DISP1: variants seen among roughly 807,000 people sequenced by gnomAD.
The protein encoded by DISP1 is protein dispatched homolog 1.
A neutral mutation model predicts 37.3 loss-of-function variants in DISP1; 30 were observed. The observed-to-expected ratio is 0.80, with a 90% CI of 0.60 to 1.09. DISP1 has a LOEUF of 1.09. DISP1 is among the 50% of genes least tolerant of loss of function. The pLI, the probability that DISP1 is intolerant of heterozygous loss-of-function variation, is 0.00. For missense variants in DISP1, 1,598 were observed against 1,879.5 expected (o/e 0.85, Z 2.77); for synonymous variants, 634 against 690.2 (o/e 0.92, Z 1.28).
intron 2 of DISP1, among the ~76,000 whole-genome samples, chr1:222,936,773 TA>T (rs1673810129): frequency 2.4e-5 from 2 of 85,066 alleles, no homozygotes; most frequent in African/African-American, 9.4e-5. Flanking sequence ...AAAAATTATA[TA>T]TATCATATAT....
chr1:222,866,215 T>C (rs891338400), intron 1 of DISP1, among the ~76,000 whole-genome samples: 8 of 152,190 alleles, frequency 5.3e-5, no homozygotes, highest in Non-Finnish European at 1.0e-4. Context: ...TCACTCCCTT[T>C]ATCCTCACCC....
chr1:222,901,576 G>T (rs1167629229), intron 1 of DISP1, among the ~76,000 whole-genome samples: 2 of 152,072 alleles, frequency 1.3e-5, no homozygotes, highest in African/African-American at 2.4e-5. Flanking sequence ...CACCTGGGCT[G>T]GAGTGCAGTG....
chr1:222,924,304 T>C (rs1336655825), intron 1 of DISP1, among the ~76,000 whole-genome samples: 6 of 152,184 alleles, frequency 3.9e-5, no homozygotes, highest in African/African-American at 1.4e-4. Flanking sequence ...ATTTATCTTA[T>C]CTATTTGCAG....
At chr1:222,872,145 C>T (rs930209399) in intron 1 of DISP1, 3 of 152,182 alleles carry the variant, frequency 2.0e-5, no homozygotes, top group African/African-American at 2.4e-5. Flanking sequence ...CCCACTTGAT[C>T]GTGGTGGATA....
At chr1:222,936,813 T>TATATAA (rs1673839925) in intron 2 of DISP1, among the ~76,000 whole-genome samples, 1 of 48,214 alleles carries the variant, frequency 2.1e-5, no homozygotes, top group African/African-American at 8.2e-5. Context: ...TATATATAAA[T>TATATAA]TATATATAAT....
At chr1:222,849,618 T>C (rs1255525424) in intron 1 of DISP1, among the ~76,000 whole-genome samples, 1 of 152,180 alleles carries the variant, frequency 6.6e-6, no homozygotes, top group Non-Finnish European at 1.5e-5. Context: ...GCTGTGAAAT[T>C]TGAAGCACCT....
At chr1:222,937,112 C>T (rs992479674) in intron 2 of DISP1, among the ~76,000 whole-genome samples, 7 of 139,184 alleles carry the variant, frequency 5.0e-5, no homozygotes, top group Non-Finnish European at 1.1e-4. Context: ...TATTTTGAGA[C>T]GGAGTCTTGC....
In DISP1 at chr1:223,002,644, G is replaced by A. The variant is rs749629171; in HGVS notation, c.1247G>A (p.Arg416His). The change falls in exon 9 of 9, where the codon CGC becomes CAC. Residue 416 changes from arginine to histidine, a missense_variant. Transcript: ENST00000675850. The stretch of plus-strand genomic sequence containing the variant: ...CAGCTCAAGTGCACCAATGTGCCAC[G>A]CAAATGTACCAAGTACAATGCTGTG... ...KDQLKCTNVP[R>H]KCTKYNAVYQ... The A allele has an allele frequency of 9.3e-6, 15 of 1,614,004 alleles. No individual in the cohort carries two copies. The highest frequency in any genetic ancestry group is 6.7e-5 in the Admixed American group (4 of 60,002).
Position 223,002,836 on chromosome 1 carries a change from G to A in DISP1, c.1439G>A (p.Gly480Asp), listed in dbSNP as rs977342304. ...TTTGAAAACTGGAACTCTTCTGACG[G>A]CGTGACTACCATCACCGGGATTGAG... Reference protein sequence around the residue: ...DNFENWNSSDGVTTITGIEFG... With the variant: ...DNFENWNSSDDVTTITGIEFG... Residue 480 changes from glycine to aspartate, a missense_variant, in exon 9 of 9, where the codon GGC becomes GAC. Coordinates refer to ENST00000675850, the MANE Select transcript of DISP1 (RefSeq NM_001377229.1). The A allele has an allele frequency of 6.2e-7, 1 of 1,613,820 alleles. No homozygotes were observed. Among genetic ancestry groups the A allele is most frequent in the Non-Finnish European group, 8.5e-7 (1 of 1,180,034 alleles).
At chr1:222,944,084 G>T (rs1304295191) in intron 3 of DISP1, among the ~76,000 whole-genome samples, 1 of 152,128 alleles carries the variant, frequency 6.6e-6, no homozygotes, top group Non-Finnish European at 1.5e-5. Flanking sequence ...TCCTCATGCT[G>T]CCTTATGGCT....
At position 222,885,268 on chromosome 1, in the gene DISP1, T is replaced by G. The variant is rs1670525186; in HGVS notation, c.-158-43162T>G. Among the ~76,000 whole-genome samples the G allele has an allele frequency of 2.0e-5, 3 of 152,220 alleles. No individual in the cohort carries two copies. In the South Asian group the frequency reaches 6.2e-4, roughly 32 times the overall value. ...AATATTTATTTTATTCCATGGCTTA[T>G]AATCCAATACTGTTATTAATTTATA... On this transcript the variant is annotated intron_variant, in intron 1 of 8. Transcript: ENST00000675850.
At chr1:222,968,108 C>A (rs1384436846) in intron 3 of DISP1, among the ~76,000 whole-genome samples, 1 of 152,036 alleles carries the variant, frequency 6.6e-6, no homozygotes, top group Non-Finnish European at 1.5e-5. Context: ...AATGGATACA[C>A]TAGGAAAAAT....
intron 3 of DISP1, among the ~76,000 whole-genome samples, chr1:222,960,392 G>T (rs1288128463): frequency 6.6e-6 from 1 of 152,104 alleles, no homozygotes; most frequent in Non-Finnish European, 1.5e-5. Context: ...ATGAAATTAA[G>T]GCAGAAATCA....
Position 222,942,802 on chromosome 1 carries a change from CT to C in DISP1, c.-17-3del. The C allele has an allele frequency of 6.2e-7, 1 of 1,614,042 alleles. No individual in the cohort carries two copies. The highest frequency in any genetic ancestry group is 8.5e-7 in the Non-Finnish European group (1 of 1,179,994). On this transcript the variant is annotated splice_polypyrimidine_tract_variant and splice_region_variant and intron_variant, in intron 2 of 8. Transcript: ENST00000675850. ...ACTGGGCGATTTTATGATTTTCTTA[CT>C]TAGAGTCAAGAAATTGGAGCATGGC...
chr1:222,881,597 C>T lies in DISP1; in HGVS notation c.-158-46833C>T, dbSNP rs574420292. ...GATGGGGTGTTTTTGTTTTTTCCTCCTTCAGTTCTCTTTACATTGTGAGGT... is the reference window on the plus strand; with the variant it reads ...GATGGGGTGTTTTTGTTTTTTCCTCTTTCAGTTCTCTTTACATTGTGAGGT... On this transcript the variant is annotated intron_variant, in intron 1 of 8. Transcript: ENST00000675850. Among the ~76,000 whole-genome samples, 6 of 152,244 alleles carry T rather than the reference C, an allele frequency of 3.9e-5. No homozygotes were observed. In the East Asian group the frequency reaches 5.8e-4, roughly 15 times the overall value.
intron 3 of DISP1, among the ~76,000 whole-genome samples, chr1:222,980,475 AAT>A (rs1479720004): frequency 6.6e-6 from 1 of 151,506 alleles, no homozygotes; most frequent in Non-Finnish European, 1.5e-5. Flanking sequence ...TACCTATATT[AAT>A]ATTTATGTCC....
At chr1:222,984,420 A>AT (rs72496847) in intron 4 of DISP1, among the ~76,000 whole-genome samples, 3,550 of 59,064 alleles carry the variant, frequency 0.06, 181 homozygotes, top group South Asian at 0.18. Context: ...AAAAAAAAAA[A>AT]AATATATATA....
At chr1:222,971,488 C>A (rs1026283092) in intron 3 of DISP1, among the ~76,000 whole-genome samples, 25 of 151,308 alleles carry the variant, frequency 1.7e-4, no homozygotes, top group Admixed American at 7.9e-4. Flanking sequence ...TCTGTAGGGA[C>A]AAAATGATCC....
chr1:222,877,806 G>A (rs974062214), intron 1 of DISP1, among the ~76,000 whole-genome samples: 2 of 152,220 alleles, frequency 1.3e-5, no homozygotes, highest in African/African-American at 2.4e-5. Flanking sequence ...TCCTTGAGAA[G>A]AGCCTTGGGG....
Sources: allele counts gnomAD v4.1 joint callset (sites outside exome capture counted in the v4.1 genomes callset), GRCh38; gene constraint gnomAD v4.1.1; transcripts MANE v1.5; gene names NCBI Gene and HGNC (gene_info 2026-07-23, HGNC 2026-07-21).